The following PPP1R1C variants were observed in gnomAD, a reference collection of about 807,000 sequenced individuals.
PPP1R1C encodes the protein protein phosphatase 1 regulatory subunit 1C.
A neutral mutation model predicts 17.4 loss-of-function variants in PPP1R1C; 15 were observed. The observed-to-expected ratio is 0.86, with a 90% confidence interval of 0.58 to 1.33. The LOEUF is 1.33. Ranked by LOEUF, PPP1R1C falls within the 40% of genes most tolerant of loss-of-function variation. The probability of loss-of-function intolerance (pLI) is 0.00; values close to 1 mark genes in which losing one functional copy is unlikely to be tolerated. For synonymous variants in PPP1R1C, 35 were observed against 43.1 expected, an observed-to-expected ratio of 0.81 and a Z score of 0.73; for missense variants, 143 against 130.0, an observed-to-expected ratio of 1.10 and a Z score of -0.48.
intron 4 of PPP1R1C, among the ~76,000 whole-genome samples, chr2:182,073,053 T>A (rs189674663): frequency 6.6e-6 from 1 of 152,330 alleles, no homozygotes; most frequent in East Asian, 1.9e-4. Context: ...AATGCTGAGC[T>A]GCATTCAGTT....
rs1319925818 is a variant in PPP1R1C, at chr2:182,076,181, C to CTTTTTTTTTTTTT, written c.241+12400_241+12401insTTTTTTTTTTTTT. Among the ~76,000 whole-genome samples, 8 of 47,486 alleles carry CTTTTTTTTTTTTT rather than the reference C, an allele frequency of 1.7e-4. 1 individual carries two copies. Among genetic ancestry groups the CTTTTTTTTTTTTT allele is most frequent in the African/African-American group, 6.9e-4 (8 of 11,570 alleles). The allele number at this position is 47,486 out of a possible 152,430, so 31.2% of individuals were successfully genotyped here. On this transcript the variant is annotated intron_variant, in intron 4 of 4. Transcript: ENST00000682840. ...TTATCTATAAATCAAGGATTTTGAACTTTTTTTTTTCTTTTCTTTTTTTTT... is the reference window on the plus strand; with the variant it reads ...TTATCTATAAATCAAGGATTTTGAACTTTTTTTTTTTTTTTTTTTTTTTCTTTTCTTTTTTTTT...
At chr2:182,086,625 A>G (rs1688637263) in intron 4 of PPP1R1C, among the ~76,000 whole-genome samples, 1 of 152,238 alleles carries the variant, frequency 6.6e-6, no homozygotes, top group African/African-American at 2.4e-5. Context: ...TCTCAATTTT[A>G]TAGAGAAAAC....
chr2:182,119,372 G>A (rs1245911289), downstream of PPP1R1C, among the ~76,000 whole-genome samples: 2 of 152,172 alleles, frequency 1.3e-5, no homozygotes, highest in East Asian at 1.9e-4. Context: ...ACATACGTGT[G>A]CGTGTGTCTT....
intron 1 of PPP1R1C, 23 bp downstream of exon 1, chr2:181,986,214 C>A (rs1276915007): frequency 6.4e-7 from 1 of 1,553,238 alleles, no homozygotes; most frequent in Admixed American, 1.7e-5. Context: ...GCATGGAGAA[C>A]CATTCCTGTA....
At chr2:182,086,484 C>A (rs1688633886) in intron 4 of PPP1R1C, among the ~76,000 whole-genome samples, 1 of 152,014 alleles carries the variant, frequency 6.6e-6, no homozygotes, top group African/African-American at 2.4e-5. Flanking sequence ...AAACAAGTGA[C>A]CTCTTGTTAT....
rs1165789924 is a variant in PPP1R1C at position 182,076,197 on chromosome 2, C to CTTTTTTTTTTTTTTTT, written c.241+12432_241+12447dup. On this transcript the variant is annotated intron_variant, in intron 4 of 4. Coordinates refer to ENST00000682840, the MANE Select transcript of PPP1R1C (RefSeq NM_001080545.3). ...GATTTTGAACTTTTTTTTTTCTTTTCTTTTTTTTTTTTTTTTTTTTTTTTT... is the reference window on the plus strand; with the variant it reads ...GATTTTGAACTTTTTTTTTTCTTTTCTTTTTTTTTTTTTTTTTTTTTTTTTTTTTTTTTTTTTTTTT... 2.4e-3 allele frequency among the ~76,000 whole-genome samples: 61 copies of CTTTTTTTTTTTTTTTT among 25,864 alleles called. 16 individuals carry two copies. The highest frequency in any genetic ancestry group is 3.0e-3 in the East Asian group (2 of 676). 17.0% of individuals were successfully genotyped at this position (25,864 alleles called of 152,430 possible).
At position 181,967,514 on chromosome 2, in the gene PPP1R1C, A is replaced by G. The variant is rs1402578810; in HGVS notation, n.112-7705A>G. Among the ~76,000 whole-genome samples, 1 of 152,082 alleles carries G rather than the reference A, an allele frequency of 6.6e-6. No individual in the cohort carries two copies. Among genetic ancestry groups the G allele is most frequent in the African/African-American group, 2.4e-5 (1 of 41,422 alleles). ...ATGTGTTTCCATTTTCATTTATTTC[A>G]AGAAATTCTTCAACTTCCTTCTTAA... On this transcript the variant is annotated intron_variant and non_coding_transcript_variant, in intron 1 of 5. Coordinates refer to the PPP1R1C transcript ENST00000464264. The surrounding 1 kb of genome is among the most constrained non-coding windows in gnomAD (Gnocchi z 5.5).
intron 4 of PPP1R1C, among the ~76,000 whole-genome samples, chr2:182,100,722 C>T (rs79884858): frequency 0.014 from 2,085 of 152,270 alleles, 19 homozygotes; most frequent in East Asian, 0.048. Flanking sequence ...CCTTTGTTCC[C>T]TTTGTTCGCC....
At chr2:182,038,385 A>C (rs1687077288) in intron 2 of PPP1R1C, among the ~76,000 whole-genome samples, 1 of 152,186 alleles carries the variant, frequency 6.6e-6, no homozygotes, top group Admixed American at 6.5e-5. Flanking sequence ...TAGTGGATAC[A>C]TGGGCACCTG....
rs574368461 is a variant in PPP1R1C, at chr2:182,105,737, C to G, written c.242-11470C>G. On this transcript the variant is annotated intron_variant, in intron 4 of 4. Coordinates refer to ENST00000682840, the MANE Select transcript of PPP1R1C (RefSeq NM_001080545.3). ...TCCAAGAAGCTGAATGTTTCATTGGCAGCAGGAGAAACGCAGTAGCTGTGT... is the reference window on the plus strand; with the variant it reads ...TCCAAGAAGCTGAATGTTTCATTGGGAGCAGGAGAAACGCAGTAGCTGTGT... Among the ~76,000 whole-genome samples the G allele has an allele frequency of 2.0e-5, 3 of 152,252 alleles. No homozygotes were observed. The South Asian group carries it at 6.2e-4, about 32-fold the overall frequency.
At chr2:182,085,097 A>G (rs142602187) in intron 4 of PPP1R1C, among the ~76,000 whole-genome samples, 10 of 152,080 alleles carry the variant, frequency 6.6e-5, no homozygotes, top group East Asian at 3.9e-4. Flanking sequence ...ATTGCATCAT[A>G]TAGTGATACT....
intron 1 of PPP1R1C, among the ~76,000 whole-genome samples, chr2:181,955,021 G>C (rs1451404668): frequency 6.6e-6 from 1 of 152,164 alleles, no homozygotes; most frequent in Non-Finnish European, 1.5e-5. Flanking sequence ...GGTGACCTCT[G>C]TCAGCTTTAT....
chr2:181,966,164 C>A (rs1684900403), intron 1 of PPP1R1C, among the ~76,000 whole-genome samples: 1 of 152,110 alleles, frequency 6.6e-6, no homozygotes, highest in South Asian at 2.1e-4. Flanking sequence ...TTGTATGCTG[C>A]AGCTTTTCTG....
chr2:182,120,447 A>G (rs1371497491), downstream of PPP1R1C, among the ~76,000 whole-genome samples: 1 of 152,192 alleles, frequency 6.6e-6, no homozygotes, highest in East Asian at 1.9e-4. Flanking sequence ...AGAATCAAAT[A>G]GATGCAATAA....
At chr2:182,021,309 T>TCC (rs1686416615) in intron 2 of PPP1R1C, among the ~76,000 whole-genome samples, 1 of 83,242 alleles carries the variant, frequency 1.2e-5, no homozygotes, top group Non-Finnish European at 2.8e-5. Context: ...TGGTTATTCT[T>TCC]TCTCTCTCTC....
At chr2:182,080,355 T>C (rs1219968013) in intron 4 of PPP1R1C, among the ~76,000 whole-genome samples, 1 of 152,222 alleles carries the variant, frequency 6.6e-6, no homozygotes, top group Non-Finnish European at 1.5e-5. Flanking sequence ...ATCCCCCATT[T>C]GCTCAGATTC....
intron 5 of PPP1R1C, among the ~76,000 whole-genome samples, chr2:182,126,429 A>G (rs1330731598): frequency 6.6e-6 from 1 of 152,054 alleles, no homozygotes; most frequent in African/African-American, 2.4e-5. Flanking sequence ...TGAAATGTCT[A>G]TTTTGTCTAT....
At chr2:182,042,209 T>G (rs1282852795) in intron 2 of PPP1R1C, among the ~76,000 whole-genome samples, 1 of 152,224 alleles carries the variant, frequency 6.6e-6, no homozygotes, top group Non-Finnish European at 1.5e-5. Context: ...TCAATTAACA[T>G]TAAAGAAGAA....
chr2:182,124,314 G>GTTTTTTTTTTTGTTTTTTTTTTT (rs1689812959), intron 5 of PPP1R1C, among the ~76,000 whole-genome samples: 3 of 42,078 alleles, frequency 7.1e-5, no homozygotes, highest in Admixed American at 2.5e-4. Flanking sequence ...GTTTTTTTTT[G>GTTTTTTTTTTTGTTTTTTTTTTT]TTTTTTTTTT....
Sources: gnomAD v4.1 joint callset for allele counts (sites outside exome capture counted in the v4.1 genomes callset) on GRCh38, gnomAD v4.1.1 for gene constraint, Gnocchi (gnomAD v3.1) non-coding constraint, MANE v1.5 for transcripts, NCBI Gene and HGNC (gene_info 2026-07-23, HGNC 2026-07-21) for gene names.